The following PTPRD variants were observed in gnomAD, a reference collection of about 807,000 sequenced individuals.
PTPRD encodes the protein receptor-type tyrosine-protein phosphatase delta.
Under a neutral mutation model 214.5 loss-of-function variants are expected in PTPRD, and 34 were observed. That is an observed-to-expected ratio of 0.16 (90% CI 0.12 to 0.21). The LOEUF (loss-of-function observed/expected upper bound fraction) is 0.21. Among genes scored for constraint, PTPRD ranks in the 10% least tolerant of loss-of-function variants. PTPRD has a pLI of 1.00. For synonymous variants in PTPRD, 1,128 were observed against 845.7 expected (o/e 1.33, Z -5.79); for missense variants, 2,545 against 2,398.7 (o/e 1.06, Z -1.27).
At chr9:9,901,613 A>G (rs1304150087) in intron 5 of PTPRD, among the ~76,000 whole-genome samples, 3 of 152,144 alleles carry the variant, frequency 2.0e-5, no homozygotes, top group African/African-American at 7.2e-5. Flanking sequence ...AAAAAAGACC[A>G]GAGAAATCTG....
intron 10 of PTPRD, among the ~76,000 whole-genome samples, chr9:9,046,881 C>G (rs931993661): frequency 1.3e-5 from 2 of 152,108 alleles, no homozygotes; most frequent in Admixed American, 1.3e-4. Flanking sequence ...TCAATTTTAC[C>G]ACTGTTACTC....
chr9:10,552,358 C>T (rs2061534177), intron 2 of PTPRD, among the ~76,000 whole-genome samples: 1 of 152,234 alleles, frequency 6.6e-6, no homozygotes, highest in South Asian at 2.1e-4. Context: ...ATACCTATTG[C>T]TCCCCAAACT....
At chr9:10,460,641 A>C (rs1475681824) in intron 2 of PTPRD, among the ~76,000 whole-genome samples, 2 of 152,148 alleles carry the variant, frequency 1.3e-5, no homozygotes, top group African/African-American at 4.8e-5. Flanking sequence ...GTCTTCAATA[A>C]ATTTGCTGGA....
At chr9:10,579,482 T>C (rs1415519014) in intron 2 of PTPRD, among the ~76,000 whole-genome samples, 2 of 152,208 alleles carry the variant, frequency 1.3e-5, no homozygotes, top group African/African-American at 4.8e-5. Flanking sequence ...TTTAATGTTG[T>C]ATATGTACCA....
At chr9:9,909,274 C>T (rs1053646083) in intron 5 of PTPRD, among the ~76,000 whole-genome samples, 2 of 150,264 alleles carry the variant, frequency 1.3e-5, no homozygotes, top group Non-Finnish European at 3.0e-5. Flanking sequence ...GGATGAATAG[C>T]ATGCTGATGA....
intron 3 of PTPRD, among the ~76,000 whole-genome samples, chr9:10,317,961 AC>A (rs2096475504): frequency 6.6e-6 from 1 of 151,894 alleles, no homozygotes; most frequent in Non-Finnish European, 1.5e-5. Flanking sequence ...AACTACTAAA[AC>A]CTATTTTTGC....
chr9:10,132,440 A>G (rs1362046026), intron 3 of PTPRD, among the ~76,000 whole-genome samples: 1 of 151,910 alleles, frequency 6.6e-6, no homozygotes, highest in Non-Finnish European at 1.5e-5. Flanking sequence ...CCATATGATG[A>G]GGACTACGTT....
intron 14 of PTPRD, among the ~76,000 whole-genome samples, chr9:8,582,354 G>C (rs549783730): frequency 2.0e-5 from 3 of 152,160 alleles, no homozygotes; most frequent in Admixed American, 6.5e-5. Flanking sequence ...AATATTTTTT[G>C]AACATGACAC....
intron 3 of PTPRD, among the ~76,000 whole-genome samples, chr9:10,154,425 T>C (rs1724482403): frequency 6.6e-6 from 1 of 151,960 alleles, no homozygotes; most frequent in Non-Finnish European, 1.5e-5. Flanking sequence ...GTTATCTGTT[T>C]ATGAATAGTT....
At chr9:8,478,802 T>A (rs2096821294) in intron 30 of PTPRD, among the ~76,000 whole-genome samples, 1 of 152,210 alleles carries the variant, frequency 6.6e-6, no homozygotes, top group Non-Finnish European at 1.5e-5. Flanking sequence ...AGTATGAAAG[T>A]AAAGAGATAT....
At chr9:10,523,642 G>C (rs549666047) in intron 2 of PTPRD, among the ~76,000 whole-genome samples, 1 of 76,696 alleles carries the variant, frequency 1.3e-5, no homozygotes, top group South Asian at 5.1e-4. Context: ...GAAAGGGAGA[G>C]AGAGAGAGAG....
chr9:8,678,766 C>T (rs2137347), intron 12 of PTPRD, among the ~76,000 whole-genome samples: 12,706 of 152,034 alleles, frequency 0.084, 728 homozygotes, highest in South Asian at 0.13. Context: ...ATATTTTTGG[C>T]CACAGATACA....
intron 35 of PTPRD, among the ~76,000 whole-genome samples, chr9:8,407,306 T>C (rs2093082403): frequency 1.3e-5 from 2 of 152,312 alleles, no homozygotes; most frequent in East Asian, 1.9e-4. Flanking sequence ...AGGTAGGTAT[T>C]GTTTTTTTCC....
intron 9 of PTPRD, among the ~76,000 whole-genome samples, chr9:9,274,937 T>C (rs146007460): frequency 1.4e-5 from 2 of 145,580 alleles, no homozygotes; most frequent in East Asian, 4.1e-4. Context: ...TTCAAGATTT[T>C]AATAAACATG....
At chr9:10,018,972 C>T (rs979470717) in intron 4 of PTPRD, among the ~76,000 whole-genome samples, 2 of 152,062 alleles carry the variant, frequency 1.3e-5, no homozygotes, top group Non-Finnish European at 2.9e-5. Flanking sequence ...AAAGAAACTA[C>T]CATCAGAGTG....
chr9:8,833,711 T>TATATATACAC (rs2097348994), intron 11 of PTPRD, among the ~76,000 whole-genome samples: 1 of 137,518 alleles, frequency 7.3e-6, no homozygotes, highest in South Asian at 2.3e-4. Flanking sequence ...TATATATATA[T>TATATATACAC]ATATACACAC....
chr9:10,286,753 C>T (rs554584719), intron 3 of PTPRD, among the ~76,000 whole-genome samples: 1 of 152,162 alleles, frequency 6.6e-6, no homozygotes, highest in South Asian at 2.1e-4. Flanking sequence ...CGCCCAAGAC[C>T]AAGCCCGACT....
intron 2 of PTPRD, among the ~76,000 whole-genome samples, chr9:10,591,014 A>G (rs1458184193): frequency 1.3e-5 from 2 of 151,966 alleles, no homozygotes; most frequent in African/African-American, 4.8e-5. Flanking sequence ...TTTGTGGATA[A>G]AAATGAGGTC....
chr9:9,365,259 A>C (rs1282793321), intron 9 of PTPRD, among the ~76,000 whole-genome samples: 1 of 151,570 alleles, frequency 6.6e-6, no homozygotes, highest in Non-Finnish European at 1.5e-5. Flanking sequence ...AGAGATATTG[A>C]CTAAGCCTCA....
Sources: gnomAD v4.1 joint callset for allele counts (sites outside exome capture counted in the v4.1 genomes callset) on GRCh38, gnomAD v4.1.1 for gene constraint, MANE v1.5 for transcripts, NCBI Gene and HGNC (gene_info 2026-07-23, HGNC 2026-07-21) for gene names.